CRACDL: variants seen among roughly 807,000 people sequenced by gnomAD.
CRACDL encodes the protein CRACD like.
Under a neutral mutation model 70.6 loss-of-function variants are expected in CRACDL, and 26 were observed. The observed-to-expected ratio is 0.37, with a 90% CI of 0.27 to 0.51. The LOEUF (loss-of-function observed/expected upper bound fraction) is 0.51, where lower values mean the gene tolerates loss of function less well. CRACDL is among the 20% of genes least tolerant of loss of function. CRACDL has a pLI of 0.94. For missense variants in CRACDL, 1,283 were observed against 1,376.9 expected, an observed-to-expected ratio of 0.93 and a Z score of 1.08; for synonymous variants, 618 against 615.2, an observed-to-expected ratio of 1.00 and a Z score of -0.07.
rs539039712 is a variant in CRACDL at position 98,807,866 on chromosome 2, C to A, written c.2417-10329G>T. ...GGCAGAAAGGTGAAGTATTATGGTG[C>A]CTTGACACCCAAGCCATTTTTGGGA... On this transcript the variant is annotated intron_variant, in intron 7 of 9. Coordinates refer to ENST00000397899, the MANE Select transcript of CRACDL (RefSeq NM_207362.3). Among the ~76,000 whole-genome samples, 12 of 152,234 alleles carry A rather than the reference C, an allele frequency of 7.9e-5. No individual in the cohort carries two copies. In the East Asian group the frequency reaches 1.9e-3, roughly 24 times the overall value.
intron 1 of CRACDL, among the ~76,000 whole-genome samples, chr2:98,902,620 G>A (rs547332638): frequency 4.6e-5 from 7 of 152,092 alleles, no homozygotes; most frequent in Non-Finnish European, 8.8e-5. Context: ...GGTGGGGATC[G>A]CTGGCTACTG....
intron 7 of CRACDL, among the ~76,000 whole-genome samples, chr2:98,811,814 G>T (rs552090003): frequency 6.6e-6 from 1 of 152,282 alleles, no homozygotes; most frequent in East Asian, 1.9e-4. Flanking sequence ...TTGAAAGACT[G>T]GCTTTATTCA....
rs908687257 is a variant in CRACDL, at chr2:98,899,654, A to G, written c.-11+36284T>C. On this transcript the variant is annotated intron_variant, in intron 1 of 9. Transcript: ENST00000397899. ...ACTGGAGTGAAAAAAAAAGGCATCT[A>G]TGGAGGAAATGAGAGAAAAGGGCTG... Among the ~76,000 whole-genome samples the G allele has an allele frequency of 2.0e-5, 3 of 152,360 alleles. No homozygotes were observed. The East Asian group carries it at 5.8e-4, about 29-fold the overall frequency.
At chr2:98,860,043 C>T (rs1191613786) in intron 1 of CRACDL, among the ~76,000 whole-genome samples, 1 of 151,906 alleles carries the variant, frequency 6.6e-6, no homozygotes, top group East Asian at 1.9e-4. Context: ...AGAAAACAAA[C>T]AACTGCATTT....
chr2:98,832,877 C>T lies in CRACDL; in HGVS notation c.360G>A (p.Arg120=), dbSNP rs755611145. 1 of 1,614,146 alleles carries T rather than the reference C, an allele frequency of 6.2e-7. No individual in the cohort carries two copies. Among genetic ancestry groups the T allele is most frequent in the Non-Finnish European group, 8.5e-7 (1 of 1,180,030 alleles). The change falls in exon 4 of 10, where the codon CGG becomes CGA. Residue 120 remains arginine (R), a synonymous_variant. Coordinates refer to ENST00000397899, the MANE Select transcript of CRACDL (RefSeq NM_207362.3). Reference sequence around the variant, plus strand: ...AAACATTTACCTGCAGAGCTTTAATCCGATCACACACATTTTCTTGGGAAA... The same window carrying T: ...AAACATTTACCTGCAGAGCTTTAATTCGATCACACACATTTTCTTGGGAAA... ...RVFSQENVCD[R]IKALQLKIQC... is the part of the protein sequence containing the mutation.
chr2:98,888,701 T>C (rs1252071493), intron 1 of CRACDL, among the ~76,000 whole-genome samples: 1 of 151,902 alleles, frequency 6.6e-6, no homozygotes, highest in Non-Finnish European at 1.5e-5. Context: ...ACTCAAATAC[T>C]CCAATTAAAA....
At chr2:98,871,002 C>T (rs1707325429) in intron 1 of CRACDL, among the ~76,000 whole-genome samples, 1 of 152,254 alleles carries the variant, frequency 6.6e-6, no homozygotes, top group South Asian at 2.1e-4. Flanking sequence ...GCAGGGGTAG[C>T]AAGACACCTG....
chr2:98,893,519 C>G (rs1708034151), intron 1 of CRACDL, among the ~76,000 whole-genome samples: 1 of 152,082 alleles, frequency 6.6e-6, no homozygotes, highest in Non-Finnish European at 1.5e-5. Flanking sequence ...CTCCTGACCT[C>G]GTGATCTGCC....
intron 1 of CRACDL, among the ~76,000 whole-genome samples, chr2:98,898,662 G>A (rs996435253): frequency 6.6e-6 from 1 of 152,164 alleles, no homozygotes; most frequent in African/African-American, 2.4e-5. Context: ...CAGGGCCCAC[G>A]ATGCCCTGAG....
chr2:98,874,786 A>T (rs949857928), intron 1 of CRACDL, among the ~76,000 whole-genome samples: 3 of 152,164 alleles, frequency 2.0e-5, no homozygotes, highest in African/African-American at 7.2e-5. Context: ...GGCACAGGGG[A>T]CAAATGCTGG....
intron 7 of CRACDL, among the ~76,000 whole-genome samples, chr2:98,813,432 T>C (rs1367892604): frequency 6.6e-6 from 1 of 151,544 alleles, no homozygotes; most frequent in Non-Finnish European, 1.5e-5. Context: ...GACTCTGTCT[T>C]AAAAAAAAAT....
chr2:98,832,334 C>G lies in CRACDL; in HGVS notation c.540+14G>C. 6.2e-7 allele frequency: 1 copy of G among 1,614,012 alleles called. No homozygotes were observed. The highest frequency in any genetic ancestry group is 8.5e-7 in the Non-Finnish European group (1 of 1,179,936). On this transcript the variant is annotated intron_variant, in intron 5 of 9. Coordinates refer to ENST00000397899, the MANE Select transcript of CRACDL (RefSeq NM_207362.3). ...GTGTGGATGAAGACATGCAGTGGTA[C>G]AGGCCGCACTTGCCTTTATGGTGGT...
At chr2:98,871,727 G>C (rs1707352844) in intron 1 of CRACDL, among the ~76,000 whole-genome samples, 3 of 152,212 alleles carry the variant, frequency 2.0e-5, no homozygotes, top group Non-Finnish European at 2.9e-5. Flanking sequence ...AGGCTCACCA[G>C]TAGGAGACAT....
At chr2:98,832,307 A>C in intron 5 of CRACDL, 41 bp downstream of exon 5, 1 of 1,608,542 alleles carries the variant, frequency 6.2e-7, no homozygotes, top group African/African-American at 1.3e-5. Context: ...CCTCCAGGGC[A>C]GGTGTGGATG....
chr2:98,888,725 A>G (rs1707861662), intron 1 of CRACDL, among the ~76,000 whole-genome samples: 2 of 152,128 alleles, frequency 1.3e-5, no homozygotes, highest in South Asian at 4.2e-4. Context: ...AGAGGTTAAT[A>G]GAATAAAATT....
At chr2:98,795,077 A>ATATATTTTTTTTTTTTTTTT in intron 9 of CRACDL, among the ~76,000 whole-genome samples, 8 of 58,494 alleles carry the variant, frequency 1.4e-4, no homozygotes, top group Non-Finnish European at 2.2e-4. Context: ...ATATATATAT[A>ATATATTTTTTTTTTTTTTTT]TTTTTTTTTT....
At chr2:98,821,628 A>G (rs1705032307) in intron 7 of CRACDL, among the ~76,000 whole-genome samples, 1 of 152,256 alleles carries the variant, frequency 6.6e-6, no homozygotes, top group African/African-American at 2.4e-5. Context: ...TGTTTTAAGA[A>G]AGTTTACGAA....
chr2:98,801,738 G>A (rs985194111), intron 7 of CRACDL, among the ~76,000 whole-genome samples: 23 of 152,172 alleles, frequency 1.5e-4, no homozygotes. Flanking sequence ...AGCGTGGTTG[G>A]TGAAGATCAG....
chr2:98,920,861 G>A (rs1708786559), intron 1 of CRACDL, among the ~76,000 whole-genome samples: 1 of 152,182 alleles, frequency 6.6e-6, no homozygotes, highest in African/African-American at 2.4e-5. Flanking sequence ...ATCCAGTGCT[G>A]TGCCCACAGC....
Sources: gnomAD v4.1 joint callset for allele counts (sites outside exome capture counted in the v4.1 genomes callset) on GRCh38, gnomAD v4.1.1 for gene constraint, MANE v1.5 for transcripts, NCBI Gene and HGNC (gene_info 2026-07-23, HGNC 2026-07-21) for gene names.